Variants in DGKI observed in about 807,000 individuals in gnomAD.
DGKI encodes diacylglycerol kinase iota.
In DGKI, 55 loss-of-function variants were observed where a neutral mutation model predicts 147.5. The observed-to-expected ratio is 0.37, with a 90% confidence interval of 0.30 to 0.47. The LOEUF (loss-of-function observed/expected upper bound fraction) is 0.47. Ranked by LOEUF, DGKI falls within the 20% of genes least tolerant of loss-of-function variation. The probability of loss-of-function intolerance (pLI) is 1.00; values close to 1 mark genes in which losing one functional copy is unlikely to be tolerated. For synonymous variants in DGKI, 469 were observed against 477.1 expected (o/e 0.98, Z 0.22); for missense variants, 1,007 against 1,323.8 (o/e 0.76, Z 3.71).
chr7:137,513,756 T>G, intron 21 of DGKI: 2 of 501,972 alleles, frequency 4.0e-6, no homozygotes, highest in Non-Finnish European at 7.6e-6. Flanking sequence ...CACAATGGCA[T>G]TTGGGTATCT....
intron 19 of DGKI, among the ~76,000 whole-genome samples, chr7:137,564,611 C>A (rs1236733452): frequency 2.6e-5 from 4 of 152,086 alleles, no homozygotes; most frequent in African/African-American, 9.7e-5. Context: ...TAAACTTATC[C>A]TTACTCTCAA....
intron 1 of DGKI, among the ~76,000 whole-genome samples, chr7:137,760,871 G>GGAC (rs1174696048): frequency 2.6e-5 from 4 of 151,994 alleles, no homozygotes; most frequent in Non-Finnish European, 5.9e-5. Flanking sequence ...CAGTCCAGAG[G>GGAC]GACGACATTT....
intron 1 of DGKI, among the ~76,000 whole-genome samples, chr7:137,716,807 G>A (rs1009803064): frequency 2.0e-5 from 3 of 152,148 alleles, no homozygotes; most frequent in African/African-American, 7.2e-5. Context: ...TTCACAGTAC[G>A]ATAGCTAGCC....
intron 1 of DGKI, among the ~76,000 whole-genome samples, chr7:137,725,526 T>A (rs899661452): frequency 6.6e-6 from 1 of 151,770 alleles, no homozygotes; most frequent in Non-Finnish European, 1.5e-5. Context: ...GGAAATGTCC[T>A]CTCAGCATGA....
chr7:137,725,252 A>T (rs1015835981), intron 1 of DGKI, among the ~76,000 whole-genome samples: 1 of 152,170 alleles, frequency 6.6e-6, no homozygotes, highest in African/African-American at 2.4e-5. Context: ...CTACGGGAGA[A>T]GTGATAAATC....
At chr7:137,822,315 G>C (rs984087755) in intron 1 of DGKI, among the ~76,000 whole-genome samples, 1 of 152,110 alleles carries the variant, frequency 6.6e-6, no homozygotes, top group African/African-American at 2.4e-5. Flanking sequence ...GCTGAGGCAG[G>C]AGAATCACTT....
At chr7:137,605,060 C>G (rs889219908) in intron 10 of DGKI, among the ~76,000 whole-genome samples, 1 of 152,118 alleles carries the variant, frequency 6.6e-6, no homozygotes, top group Non-Finnish European at 1.5e-5. Context: ...ATAATCCCAG[C>G]ACTTTGGGAG....
chr7:137,782,421 T>TC, intron 1 of DGKI, among the ~76,000 whole-genome samples: 1 of 151,768 alleles, frequency 6.6e-6, no homozygotes, highest in Admixed American at 6.6e-5. Context: ...CACACCCCCA[T>TC]CCCCCACAGC....
At chr7:137,605,304 T>C (rs1395478264) in intron 10 of DGKI, among the ~76,000 whole-genome samples, 1 of 117,390 alleles carries the variant, frequency 8.5e-6, no homozygotes, top group Non-Finnish European at 1.7e-5. Flanking sequence ...CAAGACTCCG[T>C]CTCAAAAATA....
intron 5 of DGKI, among the ~76,000 whole-genome samples, chr7:137,652,853 C>T (rs1490900825): frequency 6.6e-6 from 1 of 152,150 alleles, no homozygotes; most frequent in East Asian, 1.9e-4. Flanking sequence ...TCTCCTATTT[C>T]CACTCTCCAC....
At chr7:137,465,447 A>G (rs1814616881) in intron 26 of DGKI, among the ~76,000 whole-genome samples, 1 of 152,234 alleles carries the variant, frequency 6.6e-6, no homozygotes, top group African/African-American at 2.4e-5. Context: ...AGTCACTATG[A>G]AGCGGTGGTA....
At chr7:137,517,313 AAGAAAGAAAGAAAGAAAGAAAGAAAGAG>A (rs1816799027) in intron 21 of DGKI, among the ~76,000 whole-genome samples, 1 of 137,060 alleles carries the variant, frequency 7.3e-6, no homozygotes, top group Non-Finnish European at 1.5e-5. Context: ...GAAAGAAAGA[AAGAAAGAAAGAAAGAAAGAAAGAAAGAG>A]AAAGAAAGAA....
At chr7:137,438,152 G>A (rs776851527) in intron 28 of DGKI, among the ~76,000 whole-genome samples, 1 of 151,908 alleles carries the variant, frequency 6.6e-6, no homozygotes, top group Non-Finnish European at 1.5e-5. Flanking sequence ...GCCACAAACT[G>A]GAGAAAATTT....
intron 26 of DGKI, among the ~76,000 whole-genome samples, chr7:137,465,498 C>G (rs1814619047): frequency 6.6e-6 from 1 of 152,116 alleles, no homozygotes; most frequent in Non-Finnish European, 1.5e-5. Flanking sequence ...TTAAAAAGGG[C>G]TTGGTATGTC....
chr7:137,468,059 A>G (rs559214222), intron 24 of DGKI, among the ~76,000 whole-genome samples: 1 of 152,258 alleles, frequency 6.6e-6, no homozygotes, highest in African/African-American at 2.4e-5. Flanking sequence ...ACAAAGCCCA[A>G]ATATTATAAA....
chr7:137,637,391 A>C (rs1411969936), intron 6 of DGKI, among the ~76,000 whole-genome samples: 1 of 152,258 alleles, frequency 6.6e-6, no homozygotes, highest in African/African-American at 2.4e-5. Context: ...TGTAAAAGGA[A>C]AACTGTCCTC....
intron 1 of DGKI, among the ~76,000 whole-genome samples, chr7:137,735,378 T>C (rs962446500): frequency 6.6e-6 from 1 of 152,064 alleles, no homozygotes; most frequent in East Asian, 1.9e-4. Flanking sequence ...TCCACCTTTC[T>C]CTATCTGGTT....
intron 3 of DGKI, among the ~76,000 whole-genome samples, chr7:137,662,689 A>G (rs771553083): frequency 3.9e-5 from 6 of 152,136 alleles, no homozygotes; most frequent in Non-Finnish European, 7.3e-5. Context: ...TAGAGGTTCA[A>G]TTGCAGAGAG....
intron 5 of DGKI, among the ~76,000 whole-genome samples, chr7:137,653,141 TGTGCGCGCGC>T (rs1263387668): frequency 1.3e-5 from 2 of 152,320 alleles, no homozygotes; most frequent in African/African-American, 4.8e-5. Context: ...TGTGTGTGTG[TGTGCGCGCGC>T]GTGCGCGCAC....
Sources: allele counts gnomAD v4.1 joint callset (sites outside exome capture counted in the v4.1 genomes callset), GRCh38; gene constraint gnomAD v4.1.1; transcripts MANE v1.5; gene names NCBI Gene and HGNC (gene_info 2026-07-23, HGNC 2026-07-21).